Variants in SPMIP2 observed in about 807,000 individuals in gnomAD.
The protein encoded by SPMIP2 is protein SPMIP2.
chr4:158,923,490 T>A, the SPMIP2 span, among the ~76,000 whole-genome samples: 1 of 152,206 alleles, frequency 6.6e-6, no homozygotes, highest in Non-Finnish European at 1.5e-5. Flanking sequence ...TTTGATATTA[T>A]AAATGAAATT....
At chr4:158,993,118 T>C in the SPMIP2 span, among the ~76,000 whole-genome samples, 3 of 151,180 alleles carry the variant, frequency 2.0e-5, no homozygotes, top group Non-Finnish European at 4.4e-5. Context: ...TCAGGCACCA[T>C]GGAAGGCTAA....
chr4:158,962,510 C>G, the SPMIP2 span, among the ~76,000 whole-genome samples: 2 of 152,138 alleles, frequency 1.3e-5, no homozygotes, highest in African/African-American at 2.4e-5. Context: ...ACATAGGGCT[C>G]TTAGTATCAA....
the SPMIP2 span, chr4:159,007,870 GT>G: frequency 1.2e-5 from 6 of 515,338 alleles, no homozygotes; most frequent in Non-Finnish European, 2.3e-5. Context: ...TGACCTATAT[GT>G]TGTGTGTGGG....
the SPMIP2 span, among the ~76,000 whole-genome samples, chr4:158,985,778 G>A: frequency 7.2e-5 from 11 of 152,072 alleles, no homozygotes; most frequent in Non-Finnish European, 1.6e-4. Context: ...TGGAAGTTCT[G>A]GCCAGGGCAA....
At chr4:158,951,632 A>G in the SPMIP2 span, among the ~76,000 whole-genome samples, 2 of 152,208 alleles carry the variant, frequency 1.3e-5, no homozygotes, top group Admixed American at 6.5e-5. Context: ...TCCCAAGTAG[A>G]ACAAAGAGGA....
the SPMIP2 span, among the ~76,000 whole-genome samples, chr4:159,041,947 T>C: frequency 6.6e-6 from 1 of 152,256 alleles, no homozygotes; most frequent in East Asian, 1.9e-4. Context: ...CGACAGAGAA[T>C]GTTGATTCCC....
the SPMIP2 span, among the ~76,000 whole-genome samples, chr4:158,894,382 G>C: frequency 1.3e-5 from 2 of 152,044 alleles, no homozygotes; most frequent in Admixed American, 1.3e-4. Context: ...ATGTTGCCTA[G>C]GTTGGTCTTG....
At chr4:158,974,540 G>A in the SPMIP2 span, among the ~76,000 whole-genome samples, 1 of 150,684 alleles carries the variant, frequency 6.6e-6, no homozygotes, top group African/African-American at 2.4e-5. Flanking sequence ...TCCCACTTAT[G>A]AGGGAGGACA....
chr4:159,035,263 C>T, the SPMIP2 span: 2 of 585,458 alleles, frequency 3.4e-6, no homozygotes, highest in Middle Eastern at 2.9e-4. Flanking sequence ...AATGTTCCTC[C>T]TTGCAGAGTT....
chr4:159,025,508 A>C, the SPMIP2 span, among the ~76,000 whole-genome samples: 1 of 152,108 alleles, frequency 6.6e-6, no homozygotes, highest in African/African-American at 2.4e-5. Context: ...AATAATTTCC[A>C]CATTAAAGTT....
chr4:158,962,250 T>A, the SPMIP2 span, among the ~76,000 whole-genome samples: 1 of 152,188 alleles, frequency 6.6e-6, no homozygotes, highest in African/African-American at 2.4e-5. Context: ...TCACTTTTAA[T>A]CTCTAGTCTA....
the SPMIP2 span, among the ~76,000 whole-genome samples, chr4:159,003,142 C>T: frequency 6.6e-6 from 1 of 152,260 alleles, no homozygotes; most frequent in African/African-American, 2.4e-5. Flanking sequence ...CTGTGTAATT[C>T]GCCCTGTGAC....
At chr4:158,893,557 G>T in the SPMIP2 span, 1 of 636,324 alleles carries the variant, frequency 1.6e-6, no homozygotes, top group Non-Finnish European at 2.7e-6. Context: ...GTTTATTTGG[G>T]CTTTAAGCTG....
the SPMIP2 span, chr4:158,895,703 A>G: frequency 8.5e-7 from 1 of 1,171,022 alleles, no homozygotes; most frequent in South Asian, 1.3e-5. Flanking sequence ...AAATATTGGC[A>G]GAGATTTGAC....
chr4:158,974,895 C>T, the SPMIP2 span, among the ~76,000 whole-genome samples: 2 of 152,164 alleles, frequency 1.3e-5, no homozygotes, highest in Non-Finnish European at 2.9e-5. Flanking sequence ...CTGTCTTCCA[C>T]AATACTTGAG....
the SPMIP2 span, among the ~76,000 whole-genome samples, chr4:158,924,121 G>A: frequency 6.6e-6 from 1 of 152,106 alleles, no homozygotes; most frequent in South Asian, 2.1e-4. Flanking sequence ...CAAGAAGAGT[G>A]GCCTTACCAG....
chr4:159,062,697 G>GTCTCTCTCTCTCTCTCTCTC, the SPMIP2 span, among the ~76,000 whole-genome samples: 1,370 of 95,088 alleles, frequency 0.014, 203 homozygotes, highest in South Asian at 0.045. Context: ...TTGAAACAGG[G>GTCTCTCTCTCTCTCTCTCTC]TCTCTCTCTC....
the SPMIP2 span, among the ~76,000 whole-genome samples, chr4:158,953,026 C>A: frequency 6.6e-6 from 1 of 152,104 alleles, no homozygotes; most frequent in African/African-American, 2.4e-5. Context: ...AAATTTGCAG[C>A]CTGACAATGT....
At chr4:159,021,067 G>A in the SPMIP2 span, among the ~76,000 whole-genome samples, 3 of 152,280 alleles carry the variant, frequency 2.0e-5, no homozygotes, top group Non-Finnish European at 2.9e-5. Context: ...GGCCTCTGCC[G>A]TTCTCTTAGG....
Sources: gnomAD v4.1 joint callset for allele counts (sites outside exome capture counted in the v4.1 genomes callset) on GRCh38, gnomAD v4.1.1 for gene constraint, MANE v1.5 for transcripts, NCBI Gene and HGNC (gene_info 2026-07-23, HGNC 2026-07-21) for gene names.